IQSEC1: variants seen among roughly 807,000 people sequenced by gnomAD.
IQSEC1 encodes IQ motif and SEC7 domain-containing protein 1.
A neutral mutation model predicts 91.0 loss-of-function variants in IQSEC1; 31 were observed. The observed-to-expected ratio is 0.34, with a 90% CI of 0.26 to 0.46. IQSEC1 has a LOEUF of 0.46. Ranked by LOEUF, IQSEC1 falls within the 20% of genes least tolerant of loss-of-function variation. The pLI is 1.00. For synonymous variants in IQSEC1, 699 were observed against 662.6 expected (o/e 1.05, Z -0.84); for missense variants, 1,388 against 1,575.6 (o/e 0.88, Z 2.02).
intron 3 of IQSEC1, among the ~76,000 whole-genome samples, chr3:12,930,860 G>T (rs972174909): frequency 1.3e-5 from 2 of 152,148 alleles, no homozygotes; most frequent in African/African-American, 4.8e-5. Flanking sequence ...GCTTGTGGGG[G>T]TGAGGATAGA....
chr3:13,275,502 C>T (rs1201580031), intron 1 of IQSEC1, among the ~76,000 whole-genome samples: 1 of 152,210 alleles, frequency 6.6e-6, no homozygotes, highest in Non-Finnish European at 1.5e-5. Flanking sequence ...ACAGCACCGC[C>T]CAGCCCCTCA....
chr3:13,253,150 C>T (rs1368793824), intron 1 of IQSEC1, among the ~76,000 whole-genome samples: 3 of 152,190 alleles, frequency 2.0e-5, no homozygotes, highest in African/African-American at 7.2e-5. Flanking sequence ...CTTTAAAGTG[C>T]TTTGAAAATA....
intron 1 of IQSEC1, among the ~76,000 whole-genome samples, chr3:12,969,200 T>C (rs12488295): frequency 0.41 from 62,690 of 151,996 alleles, 13,665 homozygotes; most frequent in Non-Finnish European, 0.48. Context: ...CTAGTGTCCA[T>C]AGTACATAAA....
chr3:12,903,586 TG>T (rs1694621488), intron 12 of IQSEC1, among the ~76,000 whole-genome samples: 1 of 152,236 alleles, frequency 6.6e-6, no homozygotes, highest in Non-Finnish European at 1.5e-5. Context: ...GCACTCGGCA[TG>T]CGGGGTCCGT....
chr3:13,085,138 C>A (rs1357101846), intron 2 of IQSEC1, among the ~76,000 whole-genome samples: 1 of 152,118 alleles, frequency 6.6e-6, no homozygotes, highest in Non-Finnish European at 1.5e-5. Flanking sequence ...TCGGATGCCC[C>A]AAACAGCCAT....
chr3:13,270,238 T>C (rs926688151), intron 1 of IQSEC1, among the ~76,000 whole-genome samples: 1 of 152,230 alleles, frequency 6.6e-6, no homozygotes, highest in Non-Finnish European at 1.5e-5. Flanking sequence ...TATAATAAAA[T>C]GGTGGTTGTT....
chr3:12,956,882 C>T (rs1333813824), intron 1 of IQSEC1, among the ~76,000 whole-genome samples: 9 of 152,238 alleles, frequency 5.9e-5, no homozygotes, highest in African/African-American at 2.4e-5. Context: ...ACGGGTGTCA[C>T]TCCTGCTCCG....
intron 1 of IQSEC1, among the ~76,000 whole-genome samples, chr3:13,038,014 T>C (rs912014844): frequency 6.6e-6 from 1 of 152,012 alleles, no homozygotes; most frequent in African/African-American, 2.4e-5. Context: ...CTATGTGTAT[T>C]TTACCACAAG....
intron 1 of IQSEC1, among the ~76,000 whole-genome samples, chr3:13,266,233 T>G (rs928835823): frequency 1.1e-4 from 16 of 152,186 alleles, no homozygotes; most frequent in African/African-American, 3.9e-4. Context: ...TTTGTCTTAG[T>G]CAAACTGCAC....
chr3:13,144,232 A>T (rs529504941), intron 2 of IQSEC1, among the ~76,000 whole-genome samples: 1 of 152,286 alleles, frequency 6.6e-6, no homozygotes, highest in South Asian at 2.1e-4. Context: ...CAGGACATGG[A>T]GGGAACTAGA....
intron 1 of IQSEC1, among the ~76,000 whole-genome samples, chr3:12,984,992 T>A (rs1036926523): frequency 6.6e-6 from 1 of 151,552 alleles, no homozygotes; most frequent in Non-Finnish European, 1.5e-5. Flanking sequence ...GCCCGGCTAA[T>A]TTTTTGTATT....
chr3:13,219,782 T>A (rs1694622261), intron 1 of IQSEC1, among the ~76,000 whole-genome samples: 1 of 152,176 alleles, frequency 6.6e-6, no homozygotes, highest in Non-Finnish European at 1.5e-5. Flanking sequence ...GGGTGGTGCC[T>A]CTAACCAGCT....
At chr3:13,252,953 C>G (rs942377980) in intron 1 of IQSEC1, among the ~76,000 whole-genome samples, 7 of 152,156 alleles carry the variant, frequency 4.6e-5, no homozygotes, top group Non-Finnish European at 8.8e-5. Flanking sequence ...AGGATGGTCT[C>G]GATCTCCTGA....
intron 3 of IQSEC1, among the ~76,000 whole-genome samples, chr3:12,931,989 G>A (rs1045002340): frequency 2.0e-5 from 3 of 152,244 alleles, no homozygotes; most frequent in African/African-American, 4.8e-5. Flanking sequence ...GGGTGCCCGT[G>A]TCATCATGAA....
At chr3:13,144,725 C>A (rs1463522658) in intron 2 of IQSEC1, among the ~76,000 whole-genome samples, 1 of 152,242 alleles carries the variant, frequency 6.6e-6, no homozygotes, top group Non-Finnish European at 1.5e-5. Flanking sequence ...ACTGGAGAGA[C>A]AGAGCTGACA....
chr3:13,051,509 G>T (rs1704689954), intron 1 of IQSEC1, among the ~76,000 whole-genome samples: 1 of 152,194 alleles, frequency 6.6e-6, no homozygotes, highest in African/African-American at 2.4e-5. Flanking sequence ...GGTCTGTTCT[G>T]AGGTCAGGTG....
rs750067475 is a variant in IQSEC1 at position 12,924,693 on chromosome 3, C to T, written c.1618G>A (p.Asp540Asn). Residue 540 changes from aspartate (D) to asparagine (N), a missense_variant, in exon 4 of 14, where the codon GAC (aspartate) becomes AAC (asparagine). This residue lies in a region of IQSEC1 where 1,059 missense variants were observed against 1,317.8 expected (regional missense o/e 0.80). Transcript: ENST00000613206. The surrounding 1 kb of genome is among the most constrained non-coding windows in gnomAD (Gnocchi z 6.3). ...QYLIERGFVPDTPVGVAHFLL... is the reference protein window; with the variant it reads ...QYLIERGFVPNTPVGVAHFLL... ...AAGTGGGCCACCCCGACGGGCGTGT[C>T]GGGCACAAAGCCACGCTCGATGAGG... is the stretch of plus-strand genomic sequence containing the variant. The T allele has an allele frequency of 1.3e-5, 21 of 1,608,004 alleles. No homozygotes were observed. Among genetic ancestry groups the T allele is most frequent in the East Asian group, 9.0e-5 (4 of 44,502 alleles).
intron 1 of IQSEC1, among the ~76,000 whole-genome samples, chr3:13,221,194 G>A (rs1430593658): frequency 6.6e-6 from 1 of 152,130 alleles, no homozygotes; most frequent in Non-Finnish European, 1.5e-5. Flanking sequence ...ACTATTCCAG[G>A]CCCCGCCCTG....
intron 1 of IQSEC1, among the ~76,000 whole-genome samples, chr3:13,017,777 T>A (rs1576171908): frequency 6.6e-6 from 1 of 151,962 alleles, no homozygotes; most frequent in African/African-American, 2.4e-5. Context: ...GAGGCAATGG[T>A]GAGGCCCACG....
Sources: allele counts gnomAD v4.1 joint callset (sites outside exome capture counted in the v4.1 genomes callset), GRCh38; gene constraint gnomAD v4.1.1; regional missense constraint gnomAD v4.1.1; non-coding constraint Gnocchi (gnomAD v3.1); transcripts MANE v1.5; gene names NCBI Gene and HGNC (gene_info 2026-07-23, HGNC 2026-07-21).